The following ZNF710 variants were observed in gnomAD, a reference collection of about 807,000 sequenced individuals.
ZNF710 encodes zinc finger protein 710.
ZNF710 carries 13 observed loss-of-function variants against 50.6 expected under a neutral mutation model. The observed-to-expected ratio is 0.26, with a 90% CI of 0.17 to 0.41. The LOEUF (loss-of-function observed/expected upper bound fraction) is 0.41, where lower values mean the gene tolerates loss of function less well. Among genes scored for constraint, ZNF710 ranks in the 10% least tolerant of loss-of-function variants. The pLI, the probability that ZNF710 is intolerant of heterozygous loss-of-function variation, is 1.00. For synonymous variants in ZNF710, 383 were observed against 397.0 expected (o/e 0.96, Z 0.42); for missense variants, 721 against 936.6 (o/e 0.77, Z 3.01).
chr15:90,026,790 T>C (rs1898794124), intron 1 of ZNF710, among the ~76,000 whole-genome samples: 1 of 152,168 alleles, frequency 6.6e-6, no homozygotes, highest in African/African-American at 2.4e-5. Context: ...TTGTTTCCAA[T>C]ATGTGCTGGG....
At chr15:90,030,323 C>T (rs1596275653) in intron 1 of ZNF710, among the ~76,000 whole-genome samples, 1 of 95,286 alleles carries the variant, frequency 1.0e-5, no homozygotes, top group South Asian at 3.0e-4. Flanking sequence ...GAGCAAAACT[C>T]CATCTCAAAA....
chr15:90,014,437 G>A (rs969701891), intron 1 of ZNF710, among the ~76,000 whole-genome samples: 1 of 151,092 alleles, frequency 6.6e-6, no homozygotes, highest in African/African-American at 2.4e-5. Flanking sequence ...AGCTACACTA[G>A]AGGCTGAGGT....
chr15:90,063,655 G>C (rs1596052191), intron 1 of ZNF710, among the ~76,000 whole-genome samples: 1 of 152,086 alleles, frequency 6.6e-6, no homozygotes, highest in East Asian at 1.9e-4. Context: ...TGACTATAAG[G>C]AGTGGCCCCT....
In ZNF710 at chr15:90,001,552, C is replaced by CCCGG. The variant is rs1898010051; in HGVS notation, c.-89_-88insGGCC. ...GCCCGGGCGGTGGGCAGCCAGGAGC[C>CCCGG]CCCGGCCCGGCCCGGCCCGGCCCGC... On this transcript the variant is annotated 5_prime_UTR_variant, in exon 1 of 5. Transcript: ENST00000268154. 6.8e-6 allele frequency: 1 copy of CCCGG among 146,392 alleles called. No individual in the cohort carries two copies. Among genetic ancestry groups the CCCGG allele is most frequent in the African/African-American group, 2.5e-5 (1 of 40,562 alleles). 9.1% of individuals were successfully genotyped at this position (146,392 alleles called of 1,614,324 possible).
rs917517668 is a variant in ZNF710, at chr15:90,062,827, TAC to T, written c.-28-4276_-28-4275del. On this transcript the variant is annotated intron_variant, in intron 1 of 4. Coordinates refer to ENST00000268154, the MANE Select transcript of ZNF710 (RefSeq NM_198526.4). The surrounding 1 kb of genome is among the most constrained non-coding windows in gnomAD (Gnocchi z 5.6). ...CCTCCTCAGCAGAGCCCCTTCTGCA[TAC>T]ACACACGCGCGCACGCGCACACACA... is the stretch of plus-strand genomic sequence containing the variant. 2.0e-5 allele frequency among the ~76,000 whole-genome samples: 3 copies of T among 152,078 alleles called. No individual in the cohort carries two copies. The highest frequency in any genetic ancestry group is 2.9e-5 in the Non-Finnish European group (2 of 67,988).
chr15:90,000,666 G>C (rs1897988174), upstream of ZNF710, among the ~76,000 whole-genome samples: 1 of 152,244 alleles, frequency 6.6e-6, no homozygotes, highest in South Asian at 2.1e-4. Flanking sequence ...GGGGATGTTT[G>C]TTCCAGGCCC....
At chr15:90,041,892 A>ATTTTTTTTTT (rs71151548) in intron 1 of ZNF710, among the ~76,000 whole-genome samples, 1 of 110,600 alleles carries the variant, frequency 9.0e-6, no homozygotes, top group South Asian at 2.7e-4. Flanking sequence ...TTTGTTTTTG[A>ATTTTTTTTTT]TTTTTTTTTT....
At chr15:90,069,535 A>G (rs1900305469) in intron 2 of ZNF710, among the ~76,000 whole-genome samples, 1 of 152,168 alleles carries the variant, frequency 6.6e-6, no homozygotes. Context: ...GCCAGGATGC[A>G]ACAGGGAGGC....
intron 1 of ZNF710, among the ~76,000 whole-genome samples, chr15:90,022,932 G>A (rs1038647363): frequency 6.6e-6 from 1 of 152,100 alleles, no homozygotes; most frequent in African/African-American, 2.4e-5. Context: ...GAAATGTTGC[G>A]GGAGTACATG....
At chr15:90,022,328 A>T (rs1898649007) in intron 1 of ZNF710, among the ~76,000 whole-genome samples, 2 of 152,166 alleles carry the variant, frequency 1.3e-5, no homozygotes, top group Admixed American at 1.3e-4. Context: ...GTGAGCCGAG[A>T]TTGCGCCACT....
chr15:89,998,705 G>A (rs1897962901), upstream of ZNF710, among the ~76,000 whole-genome samples: 1 of 152,138 alleles, frequency 6.6e-6, no homozygotes, highest in Non-Finnish European at 1.5e-5. Context: ...CTAGGTGTGG[G>A]GTTTGAGCCT....
At chr15:90,074,346 AG>A in intron 4 of ZNF710, 56 bp downstream of exon 4, 3 of 1,601,902 alleles carry the variant, frequency 1.9e-6, no homozygotes, top group Non-Finnish European at 2.5e-6. Flanking sequence ...TGACGCACTC[AG>A]GAGCCTCCTG....
chr15:90,075,455 A>G (rs1900561798), intron 4 of ZNF710: 1 of 152,198 alleles, frequency 6.6e-6, no homozygotes, highest in African/African-American at 2.4e-5. Flanking sequence ...CCAGGAGTTC[A>G]AGGCTGTAGT....
chr15:90,004,106 C>G (rs1898081084), intron 1 of ZNF710, among the ~76,000 whole-genome samples: 1 of 152,096 alleles, frequency 6.6e-6, no homozygotes, highest in Non-Finnish European at 1.5e-5. Flanking sequence ...GGGCTTGGGT[C>G]ATTTCCATTC....
chr15:90,079,369 G>A (rs1342518066), intron 4 of ZNF710, among the ~76,000 whole-genome samples: 1 of 152,182 alleles, frequency 6.6e-6, no homozygotes, highest in Non-Finnish European at 1.5e-5. Flanking sequence ...GTCAATGGAA[G>A]AATGACCCAA....
chr15:90,007,432 C>T (rs186350843), intron 1 of ZNF710, among the ~76,000 whole-genome samples: 1 of 152,052 alleles, frequency 6.6e-6, no homozygotes, highest in African/African-American at 2.4e-5. Flanking sequence ...CTTCAAGGGT[C>T]AGGGGTACTT....
intron 1 of ZNF710, among the ~76,000 whole-genome samples, chr15:90,031,907 G>A (rs934417576): frequency 2.0e-5 from 3 of 152,218 alleles, no homozygotes; most frequent in Admixed American, 6.5e-5. Flanking sequence ...AATTAAACCT[G>A]CAGATACTTG....
In ZNF710 at chr15:90,079,709, G is replaced by C; in HGVS notation, c.1875G>C (p.Gln625His). 1 of 1,613,996 alleles carries C rather than the reference G, an allele frequency of 6.2e-7. No individual in the cohort carries two copies. Among genetic ancestry groups the C allele is most frequent in the Non-Finnish European group, 8.5e-7 (1 of 1,179,954 alleles). The change falls in exon 5 of 5, where the codon CAG becomes CAC. Residue 625 changes from glutamine to histidine, a missense_variant. Gln to His is a conservative substitution (Grantham distance 24, BLOSUM62 0). Transcript: ENST00000268154. ...CTGACCCTTCAGAGCTCGACGGCCA[G>C]CAGGAGATGGAGGACTTCGAGGAGA... Reference protein sequence around the residue: ...TGTDPSELDGQQEMEDFEENA... With the variant: ...TGTDPSELDGHQEMEDFEENA...
chr15:90,020,377 C>A (rs2151473975), intron 1 of ZNF710, among the ~76,000 whole-genome samples: 1 of 152,336 alleles, frequency 6.6e-6, no homozygotes, highest in East Asian at 1.9e-4. Context: ...GCCCCTGCAC[C>A]CTTCCGTCCA....
Sources: allele counts gnomAD v4.1 joint callset (sites outside exome capture counted in the v4.1 genomes callset), GRCh38; gene constraint gnomAD v4.1.1; non-coding constraint Gnocchi (gnomAD v3.1); transcripts MANE v1.5; gene names NCBI Gene and HGNC (gene_info 2026-07-23, HGNC 2026-07-21).